Variants in GLI2 observed in about 807,000 individuals in gnomAD.
The protein encoded by GLI2 is GLI family zinc finger 2.
In GLI2, 22 loss-of-function variants were observed where a neutral mutation model predicts 78.9. The observed-to-expected ratio is 0.28, with a 90% CI of 0.20 to 0.40. The LOEUF (loss-of-function observed/expected upper bound fraction) is 0.40. Ranked by LOEUF, GLI2 falls within the 10% of genes least tolerant of loss-of-function variation. The pLI is 1.00. For missense variants in GLI2, 2,097 were observed against 2,213.2 expected (o/e 0.95, Z 1.05); for synonymous variants, 974 against 963.7 (o/e 1.01, Z -0.20).
intron 2 of GLI2, among the ~76,000 whole-genome samples, chr2:120,919,355 T>G (rs4848646): frequency 0.88 from 133,942 of 152,306 alleles, 59,770 homozygotes; most frequent in East Asian, 1. Context: ...CAAGTAAGAA[T>G]GCCTCCACTT....
At chr2:120,751,251 T>A (rs1033086629) in intron 1 of GLI2, among the ~76,000 whole-genome samples, 2 of 152,236 alleles carry the variant, frequency 1.3e-5, no homozygotes, top group African/African-American at 2.4e-5. Context: ...ATAACATTTG[T>A]TCTTCTAGAT....
intron 9 of GLI2, among the ~76,000 whole-genome samples, 177 bp from the exon 10 acceptor site, chr2:120,978,257 G>A (rs1682553117): frequency 6.6e-6 from 1 of 152,266 alleles, no homozygotes; most frequent in East Asian, 1.9e-4. Context: ...ATAGTAGGTG[G>A]GATGGGCAAT....
chr2:120,777,151 G>A (rs1351221402), intron 1 of GLI2, among the ~76,000 whole-genome samples: 1 of 152,226 alleles, frequency 6.6e-6, no homozygotes, highest in Non-Finnish European at 1.5e-5. Flanking sequence ...GGGAACCAGC[G>A]TGTGTCTTTA....
chr2:120,915,440 G>A (rs994914404), intron 2 of GLI2, among the ~76,000 whole-genome samples: 1 of 152,176 alleles, frequency 6.6e-6, no homozygotes, highest in Non-Finnish European at 1.5e-5. Flanking sequence ...GGCCATTCAG[G>A]ATATTATTCT....
At chr2:120,952,829 A>G (rs1241942153) in intron 4 of GLI2, among the ~76,000 whole-genome samples, 9 of 152,222 alleles carry the variant, frequency 5.9e-5, no homozygotes, top group Admixed American at 1.3e-4. Context: ...CTGAGGTCCC[A>G]GTGCTGGGAT....
chr2:120,889,248 T>C (rs1677564561), intron 2 of GLI2, among the ~76,000 whole-genome samples: 1 of 152,240 alleles, frequency 6.6e-6, no homozygotes. Context: ...AATGGCTCTT[T>C]CTTTGTATCA....
At chr2:120,834,819 G>A (rs185965478) in intron 2 of GLI2, among the ~76,000 whole-genome samples, 6 of 152,042 alleles carry the variant, frequency 3.9e-5, no homozygotes, top group Admixed American at 3.9e-4. Context: ...TATGCACAAG[G>A]CATGATCCTG....
Position 120,884,019 on chromosome 2 carries a change from T to C in GLI2, c.149-43342T>C, listed in dbSNP as rs531305035. On this transcript the variant is annotated intron_variant, in intron 2 of 13. Coordinates refer to ENST00000361492, the MANE Select transcript of GLI2 (RefSeq NM_001374353.1). ...ACCCCTGTGTTCCTGCTCATACTTT[T>C]GCATAGCCACCACCTGAAGTTAGGG... Among the ~76,000 whole-genome samples, 8 of 152,292 alleles carry C rather than the reference T, an allele frequency of 5.3e-5. No individual in the cohort carries two copies. The East Asian group carries it at 1.5e-3, about 29-fold the overall frequency.
At chr2:120,773,201 C>A (rs1683571543) in intron 1 of GLI2, among the ~76,000 whole-genome samples, 1 of 152,076 alleles carries the variant, frequency 6.6e-6, no homozygotes, top group South Asian at 2.1e-4. Flanking sequence ...AGAGTGAGAA[C>A]TTTGTTAAGC....
rs529805947 is a variant in GLI2, at chr2:120,736,801, C to T, written c.-31+516C>T. 3.9e-5 allele frequency among the ~76,000 whole-genome samples: 6 copies of T among 152,090 alleles called. No homozygotes were observed. The South Asian group carries it at 1.2e-3, about 32-fold the overall frequency. On this transcript the variant is annotated intron_variant, in intron 1 of 13. Transcript: ENST00000361492. ...GCGTCCCGGAGCCCTGCCTTTCTTT[C>T]TTCCTTCCTCAATCCTTCCTCCCCC...
At chr2:120,770,566 C>T (rs1573361257) in intron 1 of GLI2, among the ~76,000 whole-genome samples, 1 of 152,182 alleles carries the variant, frequency 6.6e-6, no homozygotes, top group Non-Finnish European at 1.5e-5. Context: ...GGACGACAGC[C>T]ACACGCTGCC....
In GLI2 at chr2:120,970,533, T is replaced by A; in HGVS notation, c.986T>A (p.Met329Lys). Residue 329 changes from methionine to lysine, a missense_variant, in exon 7 of 14, where the codon ATG (methionine) becomes AAG (lysine). Physicochemically the swap from Met to Lys is moderately conservative, Grantham distance 95. Around this residue, in one of 5 missense-constraint regions of GLI2, gnomAD observed 578 missense variants for 612.0 expected, o/e 0.94. Coordinates refer to ENST00000361492, the MANE Select transcript of GLI2 (RefSeq NM_001374353.1). ...CCCACCTTCCTGGCCCAGCAGCCCA[T>A]GGCCCTCACCTCCATCAATGCCACG... Reference protein sequence around the residue: ...PSPTFLAQQPMALTSINATPT... With the variant: ...PSPTFLAQQPKALTSINATPT... The A allele has an allele frequency of 6.2e-7, 1 of 1,614,102 alleles. No individual in the cohort carries two copies. The highest frequency in any genetic ancestry group is 1.7e-5 in the Admixed American group (1 of 60,020).
chr2:120,921,329 G>A (rs1679369957), intron 2 of GLI2, among the ~76,000 whole-genome samples: 1 of 152,076 alleles, frequency 6.6e-6, no homozygotes, highest in Admixed American at 6.5e-5. Context: ...TGGGGCTGGG[G>A]CTGGTGTGTC....
intron 2 of GLI2, among the ~76,000 whole-genome samples, chr2:120,818,637 C>G (rs1307210954): frequency 6.6e-6 from 1 of 152,200 alleles, no homozygotes; most frequent in Non-Finnish European, 1.5e-5. Context: ...GATAATATTC[C>G]GAGTGAGTCT....
At chr2:120,943,312 C>T (rs1168210941) in intron 3 of GLI2, among the ~76,000 whole-genome samples, 1 of 152,166 alleles carries the variant, frequency 6.6e-6, no homozygotes, top group African/African-American at 2.4e-5. Context: ...AAGGGCATGA[C>T]TGGAGGTGCA....
chr2:120,885,318 G>A (rs145836364), intron 2 of GLI2, among the ~76,000 whole-genome samples: 43 of 152,326 alleles, frequency 2.8e-4, no homozygotes, highest in African/African-American at 8.9e-4. Context: ...TCCAGAGAGT[G>A]AAGCTGCAGC....
intron 5 of GLI2, among the ~76,000 whole-genome samples, chr2:120,957,800 C>T (rs925394454): frequency 6.6e-6 from 1 of 152,274 alleles, no homozygotes. Context: ...CTTTTAAACA[C>T]ATTCTTCCAT....
intron 2 of GLI2, among the ~76,000 whole-genome samples, chr2:120,819,834 G>A (rs141268937): frequency 3.8e-4 from 58 of 152,304 alleles, no homozygotes; most frequent in African/African-American, 1.3e-3. Context: ...GTGTGGTAAC[G>A]ACTCCAAGAG....
At chr2:120,766,762 A>G (rs1282617439) in intron 1 of GLI2, among the ~76,000 whole-genome samples, 1 of 152,224 alleles carries the variant, frequency 6.6e-6, no homozygotes, top group Non-Finnish European at 1.5e-5. Context: ...AAAACATGAC[A>G]TGAGAGAGTT....
Sources: gnomAD v4.1 joint callset for allele counts (sites outside exome capture counted in the v4.1 genomes callset) on GRCh38, gnomAD v4.1.1 for gene constraint, gnomAD v4.1.1 regional missense constraint, MANE v1.5 for transcripts, NCBI Gene and HGNC (gene_info 2026-07-23, HGNC 2026-07-21) for gene names.